Variants in CSMD1 observed in about 807,000 individuals in gnomAD.
The protein encoded by CSMD1 is CUB and Sushi multiple domains 1.
Under a neutral mutation model 417.5 loss-of-function variants are expected in CSMD1, and 213 were observed. That is an observed-to-expected ratio of 0.51 (90% CI 0.46 to 0.57). The LOEUF (loss-of-function observed/expected upper bound fraction) is 0.57, where lower values mean the gene tolerates loss of function less well. CSMD1 is among the 20% of genes least tolerant of loss of function. The pLI, the probability that CSMD1 is intolerant of heterozygous loss-of-function variation, is 0.00. For missense variants in CSMD1, 6,923 were observed against 4,529.7 expected, an observed-to-expected ratio of 1.53 and a Z score of -15.17; for synonymous variants, 2,862 against 1,736.8, an observed-to-expected ratio of 1.65 and a Z score of -16.11.
intron 1 of CSMD1, among the ~76,000 whole-genome samples, chr8:4,798,919 C>T (rs568577831): frequency 1.3e-5 from 2 of 152,280 alleles, no homozygotes; most frequent in Admixed American, 1.3e-4. Context: ...AATTCAGCAA[C>T]TGTTTGCATC....
At chr8:4,568,220 T>G (rs955884340) in intron 2 of CSMD1, among the ~76,000 whole-genome samples, 2 of 152,180 alleles carry the variant, frequency 1.3e-5, no homozygotes, top group Non-Finnish European at 2.9e-5. Flanking sequence ...ACATGTTTAC[T>G]GCACCCAACA....
chr8:3,360,584 G>C (rs1168409981), intron 20 of CSMD1, among the ~76,000 whole-genome samples: 1 of 152,206 alleles, frequency 6.6e-6, no homozygotes, highest in Non-Finnish European at 1.5e-5. Flanking sequence ...TATTGGAATG[G>C]TAAGAAGAGT....
intron 51 of CSMD1, among the ~76,000 whole-genome samples, chr8:3,028,652 C>T (rs1327593816): frequency 6.6e-6 from 1 of 152,160 alleles, no homozygotes; most frequent in Non-Finnish European, 1.5e-5. Context: ...GACAGTTAAA[C>T]ATTCATGCTT....
At position 3,219,448 on chromosome 8, in the gene CSMD1, G is replaced by A. The variant is rs1228743582; in HGVS notation, c.4485-6C>T. The A allele has an allele frequency of 1.4e-6, 2 of 1,461,336 alleles. No homozygotes were observed. The highest frequency in any genetic ancestry group is 5.1e-5 in the East Asian group (2 of 38,954). 90.5% of individuals were successfully genotyped at this position (1,461,336 alleles called of 1,614,324 possible). A position where few individuals can be genotyped will look rare whatever the true frequency, so the allele number is the denominator to read the frequency against. On this transcript the variant is annotated splice_region_variant and splice_polypyrimidine_tract_variant and intron_variant, in intron 28 of 69. Transcript: ENST00000635120. ...AGCTGGGCTCCATGTTGAAACTAAA[G>A]AAAAGAATAGTAATTATGTCATACG...
chr8:3,567,620 C>T (rs942105316), intron 10 of CSMD1, among the ~76,000 whole-genome samples: 1 of 151,892 alleles, frequency 6.6e-6, no homozygotes, highest in Non-Finnish European at 1.5e-5. Flanking sequence ...TAATACCTAT[C>T]ATCTGGTATC....
rs572163651 is a variant in CSMD1, at chr8:3,347,179, C to T, written c.3474+813G>A. Among the ~76,000 whole-genome samples the T allele has an allele frequency of 9.2e-5, 14 of 152,306 alleles. No individual in the cohort carries two copies. In the South Asian group the frequency reaches 1.2e-3, roughly 14 times the overall value. Reference sequence around the variant, plus strand: ...TGGGCCGCATGTGGCCTGTGGGCCGCGGGTTGGACAAGATAGTATTATAGC... The same window carrying T: ...TGGGCCGCATGTGGCCTGTGGGCCGTGGGTTGGACAAGATAGTATTATAGC... On this transcript the variant is annotated intron_variant, in intron 22 of 69. Transcript: ENST00000635120.
chr8:4,045,136 C>T (rs1798084053), intron 3 of CSMD1, among the ~76,000 whole-genome samples: 1 of 152,138 alleles, frequency 6.6e-6, no homozygotes, highest in Non-Finnish European at 1.5e-5. Context: ...CCTGTGCCCT[C>T]CCACCTGCAG....
Position 3,726,566 on chromosome 8 carries a change from T to G in CSMD1, c.932-18075A>C, listed in dbSNP as rs141935106. Among the ~76,000 whole-genome samples the G allele has an allele frequency of 3.3e-5, 5 of 152,310 alleles. No homozygotes were observed. The East Asian group carries it at 5.8e-4, about 18-fold the overall frequency. On this transcript the variant is annotated intron_variant, in intron 6 of 69. Coordinates refer to ENST00000635120, the MANE Select transcript of CSMD1 (RefSeq NM_033225.6). ...CCAGTGTTTTTGAATCTTCATGTTT[T>G]CAGGAGAAGCAGGAAATCTGGATAT... is the stretch of plus-strand genomic sequence containing the variant.
intron 3 of CSMD1, among the ~76,000 whole-genome samples, chr8:4,299,673 C>T (rs144637123): frequency 1.7e-3 from 257 of 152,252 alleles, no homozygotes; most frequent in African/African-American, 6.0e-3. Context: ...CTCATTCTGT[C>T]GCCAGGCTGG....
intron 10 of CSMD1, among the ~76,000 whole-genome samples, chr8:3,570,420 G>A (rs950273569): frequency 1.4e-5 from 2 of 144,772 alleles, no homozygotes; most frequent in African/African-American, 4.9e-5. Flanking sequence ...AAGGAACTCA[G>A]CAGACAAATT....
chr8:3,674,686 G>A (rs1046066838), intron 7 of CSMD1, among the ~76,000 whole-genome samples: 2 of 152,050 alleles, frequency 1.3e-5, no homozygotes, highest in Non-Finnish European at 2.9e-5. Context: ...ATAACCAGCA[G>A]AGGCAGAGAA....
intron 1 of CSMD1, among the ~76,000 whole-genome samples, chr8:4,936,991 C>T (rs1395302896): frequency 4.6e-5 from 7 of 152,094 alleles, no homozygotes; most frequent in Non-Finnish European, 1.0e-4. Flanking sequence ...CTGGAGGATA[C>T]CTTGAGGTCA....
At chr8:3,254,579 C>A (rs1800507070) in intron 26 of CSMD1, among the ~76,000 whole-genome samples, 1 of 152,050 alleles carries the variant, frequency 6.6e-6, no homozygotes, top group African/African-American at 2.4e-5. Flanking sequence ...CCTTTTCATT[C>A]TTTTTTCTCT....
intron 8 of CSMD1, among the ~76,000 whole-genome samples, chr8:3,602,087 C>G (rs145558674): frequency 9.5e-4 from 145 of 152,218 alleles, no homozygotes; most frequent in African/African-American, 3.4e-3. Context: ...GGTTATACAA[C>G]CATATGAATG....
chr8:3,294,409 C>T (rs966507592), intron 25 of CSMD1, among the ~76,000 whole-genome samples: 1 of 152,192 alleles, frequency 6.6e-6, no homozygotes, highest in Non-Finnish European at 1.5e-5. Context: ...GGTCTGTGCC[C>T]TGCCTGCAGA....
intron 69 of CSMD1, among the ~76,000 whole-genome samples, chr8:2,939,445 T>C (rs191139900): frequency 6.6e-6 from 1 of 152,204 alleles, no homozygotes; most frequent in African/African-American, 2.4e-5. Flanking sequence ...CATTTTCTGG[T>C]TAAAAGAAAA....
At chr8:4,991,624 C>A (rs1037698918) in intron 1 of CSMD1, among the ~76,000 whole-genome samples, 1 of 152,146 alleles carries the variant, frequency 6.6e-6, no homozygotes, top group African/African-American at 2.4e-5. Flanking sequence ...GAAAGCCCTG[C>A]TGCTTGCAAG....
intron 3 of CSMD1, among the ~76,000 whole-genome samples, chr8:4,199,829 A>G (rs1799547673): frequency 6.6e-6 from 1 of 152,200 alleles, no homozygotes; most frequent in South Asian, 2.1e-4. Context: ...CCACTAGATA[A>G]CAGCAGCAAC....
rs1002452371 is a variant in CSMD1 at position 3,045,783 on chromosome 8, C to T, written c.7660+6679G>A. 5.3e-4 allele frequency among the ~76,000 whole-genome samples: 81 copies of T among 152,164 alleles called. 2 individuals carry two copies. Among genetic ancestry groups the T allele is most frequent in the Non-Finnish European group, 3.8e-4 (26 of 68,038 alleles). ...TCTGGACTTTGCTACTTACTGTATC[C>T]ATGACCTTCACCAAATTACTCAACT... is the stretch of plus-strand genomic sequence containing the variant. On this transcript the variant is annotated intron_variant, in intron 50 of 69. Transcript: ENST00000635120.
Sources: gnomAD v4.1 joint callset for allele counts (sites outside exome capture counted in the v4.1 genomes callset) on GRCh38, gnomAD v4.1.1 for gene constraint, MANE v1.5 for transcripts, NCBI Gene and HGNC (gene_info 2026-07-23, HGNC 2026-07-21) for gene names.